The following RTTN variants were observed in gnomAD, a reference collection of about 807,000 sequenced individuals.
RTTN encodes the protein rotatin.
RTTN carries 182 observed loss-of-function variants against 269.2 expected under a neutral mutation model. That is an observed-to-expected ratio of 0.68 (90% CI 0.60 to 0.76). RTTN has a LOEUF of 0.76. RTTN is among the 30% of genes least tolerant of loss of function. The probability of loss-of-function intolerance (pLI) is 0.00; values close to 1 mark genes in which losing one functional copy is unlikely to be tolerated. For missense variants in RTTN, 2,545 were observed against 2,608.6 expected, an observed-to-expected ratio of 0.98 and a Z score of 0.53; for synonymous variants, 1,006 against 963.5, an observed-to-expected ratio of 1.04 and a Z score of -0.82.
intron 46 of RTTN, among the ~76,000 whole-genome samples, chr18:70,014,982 T>C (rs1482244626): frequency 6.6e-6 from 1 of 152,184 alleles, no homozygotes; most frequent in East Asian, 1.9e-4. Context: ...GTTTTTGTGA[T>C]TATTTTGAGG....
chr18:70,008,247 A>G (rs542514419), intron 46 of RTTN: 2 of 152,266 alleles, frequency 1.3e-5, no homozygotes, highest in Non-Finnish European at 2.9e-5. Context: ...ACCCCATCCA[A>G]TGGTCACCAA....
intron 28 of RTTN, among the ~76,000 whole-genome samples, chr18:70,095,614 T>C (rs987473200): frequency 6.6e-6 from 1 of 152,170 alleles, no homozygotes; most frequent in African/African-American, 2.4e-5. Context: ...TTAATGAATA[T>C]AGGCCCCCAC....
chr18:70,080,927 A>AACACAC (rs2058547785), intron 32 of RTTN, among the ~76,000 whole-genome samples: 2 of 89,866 alleles, frequency 2.2e-5, no homozygotes, highest in African/African-American at 7.4e-5. Flanking sequence ...TGTGTGTGGT[A>AACACAC]TCACACACAC....
intron 26 of RTTN, among the ~76,000 whole-genome samples, chr18:70,117,065 G>GA (rs2059620052): frequency 6.6e-6 from 1 of 152,044 alleles, no homozygotes; most frequent in Admixed American, 6.6e-5. Context: ...TGAATGTCTT[G>GA]ATAAAACACA....
At chr18:70,153,249 T>TAC (rs1211768942) in intron 14 of RTTN, among the ~76,000 whole-genome samples, 2 of 151,844 alleles carry the variant, frequency 1.3e-5, no homozygotes, top group African/African-American at 4.8e-5. Flanking sequence ...TATATATATA[T>TAC]ACATATTCTA....
rs1287251369 is a variant in RTTN, at chr18:70,125,889, AAGGTGGATTCTGTGATATAT to A, written c.3383+1593_3383+1612del. Among the ~76,000 whole-genome samples, 13 of 152,188 alleles carry A rather than the reference AAGGTGGATTCTGTGATATAT, an allele frequency of 8.5e-5. No homozygotes were observed. In the South Asian group the frequency reaches 1.7e-3, roughly 19 times the overall value. ...AGTTTTTAAAAAGTTTTCATGAAAA[AAGGTGGATTCTGTGATATAT>A]ATTTTTGATACATTCCTTAGTGAAA... On this transcript the variant is annotated intron_variant, in intron 25 of 48. Transcript: ENST00000640769.
At chr18:70,101,103 G>A (rs924095205) in intron 28 of RTTN, among the ~76,000 whole-genome samples, 14 of 152,182 alleles carry the variant, frequency 9.2e-5, no homozygotes, top group Non-Finnish European at 1.6e-4. Flanking sequence ...AATGAGTTAG[G>A]GAGGATTCCC....
chr18:70,178,921 G>A (rs1445405161), intron 10 of RTTN, among the ~76,000 whole-genome samples: 8 of 151,908 alleles, frequency 5.3e-5, no homozygotes, highest in Admixed American at 5.2e-4. Flanking sequence ...TATTGATATG[G>A]ACTTATAAAT....
intron 30 of RTTN, 83 bp downstream of exon 30, chr18:70,092,027 A>T: frequency 1.3e-6 from 1 of 767,248 alleles, no homozygotes; most frequent in Non-Finnish European, 2.2e-6. Context: ...AGCTGGGATT[A>T]CAGGCATGAG....
At chr18:70,199,355 T>C in intron 5 of RTTN, 59 bp downstream of exon 5, 2 of 1,118,628 alleles carry the variant, frequency 1.8e-6, no homozygotes, top group Middle Eastern at 2.0e-4. Context: ...TTGTAATAAC[T>C]ATCAAACTTA....
chr18:70,041,474 T>C (rs1056983101), intron 40 of RTTN, among the ~76,000 whole-genome samples: 28 of 151,994 alleles, frequency 1.8e-4, no homozygotes, highest in Middle Eastern at 3.2e-3. Context: ...TTCTAAGTGG[T>C]GAGTGGGGAA....
At chr18:70,117,394 T>C (rs543959135) in intron 26 of RTTN, among the ~76,000 whole-genome samples, 2 of 152,100 alleles carry the variant, frequency 1.3e-5, no homozygotes, top group Non-Finnish European at 2.9e-5. Flanking sequence ...TTATATAACA[T>C]ATATTAATTT....
chr18:70,054,408 G>C (rs2057759405), intron 37 of RTTN, 124 bp from the exon 38 acceptor site: 1 of 888,318 alleles, frequency 1.1e-6, no homozygotes, highest in East Asian at 2.7e-5. Flanking sequence ...TTCAAGATCT[G>C]AAATTAACAC....
At chr18:70,075,655 T>G in intron 32 of RTTN, 114 bp from the exon 33 acceptor site, 1 of 741,802 alleles carries the variant, frequency 1.3e-6, no homozygotes, top group Non-Finnish European at 2.1e-6. Flanking sequence ...TCCCATCTCC[T>G]TCCACTCTGC....
At chr18:70,119,335 A>C (rs1036772727) in intron 26 of RTTN, among the ~76,000 whole-genome samples, 2 of 150,426 alleles carry the variant, frequency 1.3e-5, no homozygotes, top group Non-Finnish European at 3.0e-5. Flanking sequence ...AAAAAAAATT[A>C]AGATATTTAG....
rs756900126 is a variant in RTTN, at chr18:70,004,205, A to C, written c.6627T>G (p.Asn2209Lys). 5.6e-5 allele frequency: 91 copies of C among 1,613,698 alleles called. No homozygotes were observed. Among genetic ancestry groups the C allele is most frequent in the South Asian group, 2.4e-4 (22 of 91,086 alleles). ...TFPNSEANPL[N>K]AYYLKCLENL... ...TTTCAAGACATTTCAAATAATAGGC[A>C]TTTAGAGGGTTTGCTTCTGAGTTTG... Residue 2209 changes from asparagine to lysine, a missense_variant, in exon 49 of 49, where the codon AAT (asparagine) becomes AAG (lysine). Physicochemically the swap from Asn to Lys is moderately conservative, Grantham distance 94. Transcript: ENST00000640769.
At chr18:70,176,881 C>G in intron 10 of RTTN, 36 bp from the exon 11 acceptor site, 1 of 1,570,788 alleles carries the variant, frequency 6.4e-7, no homozygotes, top group South Asian at 1.2e-5. Flanking sequence ...CAGAAGAAAA[C>G]AACCAATTTT....
chr18:70,054,678 T>C (rs1352726244), intron 37 of RTTN, among the ~76,000 whole-genome samples: 1 of 151,988 alleles, frequency 6.6e-6, no homozygotes, highest in Non-Finnish European at 1.5e-5. Flanking sequence ...ACAAAAAATA[T>C]AAAAATTAGC....
chr18:70,026,763 C>T (rs563621643), intron 43 of RTTN, among the ~76,000 whole-genome samples: 6 of 152,142 alleles, frequency 3.9e-5, no homozygotes, highest in Admixed American at 1.3e-4. Flanking sequence ...TCATTACATA[C>T]TTTCTTGGGA....
Sources: gnomAD v4.1 joint callset for allele counts (sites outside exome capture counted in the v4.1 genomes callset) on GRCh38, gnomAD v4.1.1 for gene constraint, MANE v1.5 for transcripts, NCBI Gene and HGNC (gene_info 2026-07-23, HGNC 2026-07-21) for gene names.